THTPA: variants seen among roughly 807,000 people sequenced by gnomAD.
THTPA encodes the protein thiamine-triphosphatase.
In THTPA, 16 loss-of-function variants were observed where a neutral mutation model predicts 16.5. The observed-to-expected ratio is 0.97, with a 90% CI of 0.66 to 1.47. The LOEUF is 1.47. Among genes scored for constraint, THTPA ranks in the 40% most tolerant of loss-of-function variants. The pLI is 0.00. For missense variants in THTPA, 281 were observed against 280.9 expected (o/e 1.00, Z 0.00); for synonymous variants, 110 against 115.5 (o/e 0.95, Z 0.30).
At chr14:23,521,921 A>T in the THTPA span, 2 of 1,533,562 alleles carry the variant, frequency 1.3e-6, no homozygotes, top group Non-Finnish European at 1.7e-6. Flanking sequence ...TAAAAGAGGG[A>T]GCCCTGAGGC....
In THTPA at chr14:23,559,653, C is replaced by G; in HGVS notation, c.*813C>G. ...CAGTTTTTGCAGTGCAAAGCCAGAG[C>G]GCCACCTGCTGGTAGCCCTCAGGTG... On this transcript the variant is annotated 3_prime_UTR_variant, in exon 2 of 2. Coordinates refer to ENST00000288014, the MANE Select transcript of THTPA (RefSeq NM_024328.6). The G allele has an allele frequency of 9.0e-7, 1 of 1,108,066 alleles. No homozygotes were observed. The highest frequency in any genetic ancestry group is 1.3e-6 in the Non-Finnish European group (1 of 742,098). 68.6% of individuals were successfully genotyped at this position (1,108,066 alleles called of 1,614,324 possible). A position where few individuals can be genotyped will look rare whatever the true frequency, so the allele number is the denominator to read the frequency against.
chr14:23,542,608 C>T, the THTPA span, among the ~76,000 whole-genome samples: 4 of 152,156 alleles, frequency 2.6e-5, no homozygotes, highest in South Asian at 2.1e-4. Flanking sequence ...TAGACAACCA[C>T]GAACCAGCTC....
the THTPA span, among the ~76,000 whole-genome samples, chr14:23,545,179 C>T: frequency 6.6e-6 from 1 of 152,146 alleles, no homozygotes; most frequent in African/African-American, 2.4e-5. Flanking sequence ...AAGGGGAAAC[C>T]AGCAAAGACA....
upstream of THTPA, among the ~76,000 whole-genome samples, chr14:23,552,671 G>A (rs1278385569): frequency 7.2e-5 from 11 of 151,756 alleles, no homozygotes; most frequent in South Asian, 1.7e-3. Context: ...GCATGATCCC[G>A]GCTCACTGCA....
At chr14:23,524,676 C>G in the THTPA span, 1 of 1,536,316 alleles carries the variant, frequency 6.5e-7, no homozygotes, top group Non-Finnish European at 8.7e-7. This position sits in a 1 kb window ranked among gnomAD's most constrained non-coding sequence, Gnocchi z 5.6. Flanking sequence ...TCTTCAGGCT[C>G]TTTGCCTCCT....
the THTPA span, among the ~76,000 whole-genome samples, chr14:23,512,194 AG>A: frequency 6.6e-6 from 1 of 152,080 alleles, no homozygotes; most frequent in Admixed American, 6.5e-5. Flanking sequence ...GCTGGGGTGC[AG>A]GGGGTTGGGG....
the THTPA span, among the ~76,000 whole-genome samples, chr14:23,516,037 G>A: frequency 6.6e-6 from 1 of 152,106 alleles, no homozygotes; most frequent in African/African-American, 2.4e-5. Context: ...GTAGCCCCTG[G>A]GGTAGCAGGG....
the THTPA span, chr14:23,523,653 C>G: frequency 4.5e-6 from 7 of 1,547,340 alleles, no homozygotes; most frequent in Admixed American, 1.2e-4. The surrounding 1 kb of genome is among the most constrained non-coding windows in gnomAD (Gnocchi z 4.1). Context: ...TCTCCCAGCA[C>G]CTCACACTCC....
the THTPA span, chr14:23,521,776 T>G: frequency 9.7e-7 from 1 of 1,028,114 alleles, no homozygotes. Flanking sequence ...CTGTGGGGAT[T>G]GGGAGGAGGC....
the THTPA span, among the ~76,000 whole-genome samples, chr14:23,528,052 C>G: frequency 0.11 from 17,405 of 152,042 alleles, 1,270 homozygotes; most frequent in Non-Finnish European, 0.16. Context: ...GGATTACAGG[C>G]GTGTGCAACC....
At chr14:23,531,514 G>C in the THTPA span, 5 of 1,471,956 alleles carry the variant, frequency 3.4e-6, no homozygotes, top group Non-Finnish European at 4.5e-6. Flanking sequence ...CTGAAGCTCA[G>C]GATGCTCTGA....
chr14:23,526,042 T>C, the THTPA span: 5 of 1,536,490 alleles, frequency 3.3e-6, no homozygotes, highest in Non-Finnish European at 4.4e-6. Context: ...CCTCCCCCTC[T>C]GTCTCGCCTT....
At chr14:23,543,736 T>C in the THTPA span, 5 of 152,192 alleles carry the variant, frequency 3.3e-5, no homozygotes, top group African/African-American at 9.6e-5. Context: ...GTGTACCCAT[T>C]TGTGACAACA....
chr14:23,519,385 A>C, the THTPA span, among the ~76,000 whole-genome samples: 1 of 152,214 alleles, frequency 6.6e-6, no homozygotes, highest in South Asian at 2.1e-4. Flanking sequence ...CAAGTGAAGA[A>C]TCTTCTTTCC....
At position 23,559,465 on chromosome 14, in the gene THTPA, A is replaced by G. The variant is rs1883015744; in HGVS notation, c.*625A>G. On this transcript the variant is annotated 3_prime_UTR_variant, in exon 2 of 2. Transcript: ENST00000288014. The stretch of plus-strand genomic sequence containing the variant: ...GCCCCCTCCCCGCCCCCGTGTTGAG[A>G]CAGGTTCTCAAGGCTCAGGGGAAGA... The G allele has an allele frequency of 2.5e-6, 1 of 400,712 alleles. No homozygotes were observed. The highest frequency in any genetic ancestry group is 4.7e-6 in the Non-Finnish European group (1 of 213,538). The allele number at this position is 400,712 out of a possible 1,614,324, so 24.8% of individuals were successfully genotyped here.
chr14:23,552,270 C>T (rs1174723797), upstream of THTPA, among the ~76,000 whole-genome samples: 1 of 150,930 alleles, frequency 6.6e-6, no homozygotes. Flanking sequence ...CAGTTTATCG[C>T]TTATTAAGTG....
At chr14:23,550,583 G>A in the THTPA span, among the ~76,000 whole-genome samples, 4 of 152,186 alleles carry the variant, frequency 2.6e-5, no homozygotes, top group African/African-American at 7.2e-5. Context: ...AGGGACACAT[G>A]GACAGAGATC....
the THTPA span, among the ~76,000 whole-genome samples, chr14:23,549,033 T>G: frequency 6.6e-6 from 1 of 152,148 alleles, no homozygotes; most frequent in Non-Finnish European, 1.5e-5. Flanking sequence ...CATACTCTCT[T>G]CCCATCTCAT....
chr14:23,551,932 C>T (rs1210663893), upstream of THTPA, among the ~76,000 whole-genome samples: 1 of 152,182 alleles, frequency 6.6e-6, no homozygotes, highest in Non-Finnish European at 1.5e-5. This position sits in a 1 kb window ranked among gnomAD's most constrained non-coding sequence, Gnocchi z 5.3. Context: ...AGGTTCAAGC[C>T]GGTGCCTGCA....
Sources: allele counts gnomAD v4.1 joint callset (sites outside exome capture counted in the v4.1 genomes callset), GRCh38; gene constraint gnomAD v4.1.1; non-coding constraint Gnocchi (gnomAD v3.1); transcripts MANE v1.5; gene names NCBI Gene and HGNC (gene_info 2026-07-23, HGNC 2026-07-21).